ALCAM: variants seen among roughly 807,000 people sequenced by gnomAD.
ALCAM encodes the protein CD166 antigen.
In ALCAM, 30 loss-of-function variants were observed where a neutral mutation model predicts 70.9. The ratio of observed to expected loss-of-function variants is 0.42; its 90% CI spans 0.32 to 0.57. ALCAM has a LOEUF of 0.57. Among genes scored for constraint, ALCAM ranks in the 20% least tolerant of loss-of-function variants. ALCAM has a pLI of 0.11. For synonymous variants in ALCAM, 249 were observed against 242.5 expected (o/e 1.03, Z -0.25); for missense variants, 591 against 695.1 (o/e 0.85, Z 1.68).
chr3:105,410,031 C>G (rs189821893), intron 1 of ALCAM, among the ~76,000 whole-genome samples: 1 of 152,034 alleles, frequency 6.6e-6, no homozygotes, highest in South Asian at 2.1e-4. Flanking sequence ...TTAGGGTTCA[C>G]GCTTGCTGTT....
intron 1 of ALCAM, among the ~76,000 whole-genome samples, chr3:105,518,682 T>C (rs1939447231): frequency 6.6e-6 from 1 of 152,104 alleles, no homozygotes; most frequent in African/African-American, 2.4e-5. Flanking sequence ...GATAAATTTT[T>C]ATTATGAGAC....
chr3:105,474,154 G>T (rs1938027372), intron 1 of ALCAM, among the ~76,000 whole-genome samples: 1 of 151,714 alleles, frequency 6.6e-6, no homozygotes, highest in Non-Finnish European at 1.5e-5. Context: ...CAAAGCATAT[G>T]CTGTTTTTCC....
intron 1 of ALCAM, among the ~76,000 whole-genome samples, chr3:105,380,611 GA>G (rs556095864): frequency 1.3e-5 from 2 of 151,476 alleles, no homozygotes; most frequent in African/African-American, 2.4e-5. Flanking sequence ...TCTAATTAAG[GA>G]AAAAAAATTC....
chr3:105,566,752 A>G (rs913312205), intron 14 of ALCAM, among the ~76,000 whole-genome samples: 3 of 152,158 alleles, frequency 2.0e-5, no homozygotes, highest in African/African-American at 4.8e-5. Context: ...ATCTGCATAT[A>G]TTATAAAGAT....
At chr3:105,460,393 A>T (rs1384223933) in intron 1 of ALCAM, among the ~76,000 whole-genome samples, 1 of 152,046 alleles carries the variant, frequency 6.6e-6, no homozygotes, top group Admixed American at 6.6e-5. Context: ...GCCAGACTTG[A>T]TGGTGCCAAA....
chr3:105,429,553 T>G (rs542859161), intron 1 of ALCAM, among the ~76,000 whole-genome samples: 23 of 151,994 alleles, frequency 1.5e-4, no homozygotes, highest in Non-Finnish European at 3.2e-4. Context: ...GGTTATTTAT[T>G]AAGCTAGCAC....
intron 1 of ALCAM, among the ~76,000 whole-genome samples, chr3:105,452,199 A>G (rs9883620): frequency 0.7 from 106,884 of 151,640 alleles, 37,960 homozygotes; most frequent in East Asian, 0.93. Flanking sequence ...TTATTGACCC[A>G]TCCTCTAAGT....
chr3:105,540,197 C>T, intron 7 of ALCAM, 95 bp downstream of exon 7: 2 of 1,303,906 alleles, frequency 1.5e-6, no homozygotes, highest in Non-Finnish European at 2.1e-6. Context: ...AATGTTATTG[C>T]TGGAGACAAG....
At chr3:105,423,458 T>C (rs1369157167) in intron 1 of ALCAM, among the ~76,000 whole-genome samples, 2 of 148,800 alleles carry the variant, frequency 1.3e-5, no homozygotes, top group Non-Finnish European at 3.0e-5. Flanking sequence ...TAGTTAATCA[T>C]AGCTACTAGG....
Position 105,370,934 on chromosome 3 carries a change from C to A in ALCAM, c.73+3453C>A, listed in dbSNP as rs532281168. On this transcript the variant is annotated intron_variant, in intron 1 of 15. Coordinates refer to ENST00000306107, the MANE Select transcript of ALCAM (RefSeq NM_001627.4). ...ATGCTTAAATATTCATATGACAAAG[C>A]CTCATATTGTACATCCTAAAGTTGC... Among the ~76,000 whole-genome samples the A allele has an allele frequency of 1.2e-4, 18 of 152,192 alleles. No homozygotes were observed. The South Asian group carries it at 3.7e-3, about 32-fold the overall frequency.
intron 1 of ALCAM, among the ~76,000 whole-genome samples, chr3:105,441,117 G>A (rs559533058): frequency 1.3e-5 from 2 of 152,028 alleles, no homozygotes; most frequent in Admixed American, 6.6e-5. Flanking sequence ...TAATCACTCG[G>A]TTATTAACAG....
chr3:105,377,680 T>A (rs1417217274), intron 1 of ALCAM, among the ~76,000 whole-genome samples: 1 of 152,044 alleles, frequency 6.6e-6, no homozygotes, highest in Admixed American at 6.6e-5. Context: ...AGACAGGTAT[T>A]TACCATGAAT....
intron 1 of ALCAM, among the ~76,000 whole-genome samples, chr3:105,455,470 AC>A (rs1454060729): frequency 6.6e-6 from 1 of 151,610 alleles, no homozygotes; most frequent in East Asian, 1.9e-4. Context: ...AGAAAAGAAA[AC>A]TTTTATTAGA....
intron 1 of ALCAM, among the ~76,000 whole-genome samples, chr3:105,434,884 A>T (rs1054568863): frequency 6.6e-6 from 1 of 152,150 alleles, no homozygotes; most frequent in Non-Finnish European, 1.5e-5. Context: ...ACTGTCAACC[A>T]GTTTCTTCAT....
chr3:105,569,009 A>T (rs924381336), intron 14 of ALCAM, among the ~76,000 whole-genome samples: 21 of 151,606 alleles, frequency 1.4e-4, no homozygotes, highest in African/African-American at 4.6e-4. Context: ...AAGGCAGATT[A>T]AAAAACTTAA....
chr3:105,556,220 A>C (rs1487039174), intron 14 of ALCAM, among the ~76,000 whole-genome samples: 2 of 152,022 alleles, frequency 1.3e-5, no homozygotes, highest in East Asian at 3.9e-4. Context: ...TTAAAGGAAA[A>C]ATGTAAAGGC....
intron 1 of ALCAM, among the ~76,000 whole-genome samples, chr3:105,412,324 G>A (rs551864440): frequency 2.0e-5 from 3 of 152,050 alleles, no homozygotes; most frequent in Non-Finnish European, 4.4e-5. Context: ...AGAAACAAAT[G>A]TGCTTTATTC....
intron 14 of ALCAM, among the ~76,000 whole-genome samples, chr3:105,566,498 T>A (rs1428866190): frequency 6.6e-6 from 1 of 152,164 alleles, no homozygotes; most frequent in Non-Finnish European, 1.5e-5. Flanking sequence ...CCTATCTGTT[T>A]TCTAGGAATC....
chr3:105,473,411 A>G (rs1937995647), intron 1 of ALCAM, among the ~76,000 whole-genome samples: 1 of 151,522 alleles, frequency 6.6e-6, no homozygotes, highest in South Asian at 2.1e-4. Context: ...CTCCTTCTCC[A>G]GCCTGTATCC....
Sources: gnomAD v4.1 joint callset for allele counts (sites outside exome capture counted in the v4.1 genomes callset) on GRCh38, gnomAD v4.1.1 for gene constraint, MANE v1.5 for transcripts, NCBI Gene and HGNC (gene_info 2026-07-23, HGNC 2026-07-21) for gene names.